CHD8: variants seen among roughly 807,000 people sequenced by gnomAD.
The protein encoded by CHD8 is ATP-dependent chromatin remodeler CHD8.
In CHD8, 31 loss-of-function variants were observed where a neutral mutation model predicts 279.2. That is an observed-to-expected ratio of 0.11 (90% CI 0.08 to 0.15). The LOEUF is 0.15. Ranked by LOEUF, CHD8 falls within the 10% of genes least tolerant of loss-of-function variation. The pLI is 1.00. For synonymous variants in CHD8, 1,081 were observed against 1,139.6 expected (o/e 0.95, Z 1.04); for missense variants, 2,146 against 3,230.5 (o/e 0.66, Z 8.14).
Position 21,401,410 on chromosome 14 carries a change from T to C in CHD8, c.4166A>G (p.Asn1389Ser). 6.3e-7 allele frequency: 1 copy of C among 1,581,796 alleles called. No individual in the cohort carries two copies. The highest frequency in any genetic ancestry group is 8.6e-7 in the Non-Finnish European group (1 of 1,164,118). The change falls in exon 21 of 38, where the codon AAC becomes AGC. Residue 1389 changes from asparagine to serine, a missense_variant. Physicochemically the swap from Asn to Ser is conservative, Grantham distance 46 (BLOSUM62 1). This residue lies in a region of CHD8 where 74 missense variants were observed against 91.5 expected (regional missense o/e 0.81). Coordinates refer to ENST00000646647, the MANE Select transcript of CHD8 (RefSeq NM_001170629.2). The part of the protein sequence containing the change: ...KKADLDMDLL[N>S]SKNNLVIDTP... The stretch of plus-strand genomic sequence containing the variant: ...CTAAAAGAAGAAACTCACCTTGCTG[T>C]TGAGCAGATCCATGTCTAGGTCAGC...
intron 1 of CHD8, among the ~76,000 whole-genome samples, chr14:21,455,403 C>A (rs539066593): frequency 2.5e-4 from 38 of 152,094 alleles, no homozygotes; most frequent in Non-Finnish European, 5.0e-4. Context: ...TTACATAATG[C>A]AACGGAAAAC....
At chr14:21,450,473 C>G (rs998066362) in intron 1 of CHD8, among the ~76,000 whole-genome samples, 3 of 152,118 alleles carry the variant, frequency 2.0e-5, no homozygotes, top group African/African-American at 7.2e-5. Context: ...AAGAGACAAT[C>G]TGAGAAACCT....
At position 21,400,915 on chromosome 14, in the gene CHD8, T is replaced by C. The variant is rs1204720726; in HGVS notation, c.4330A>G (p.Thr1444Ala). The C allele has an allele frequency of 3.1e-6, 5 of 1,613,406 alleles. No homozygotes were observed. The highest frequency in any genetic ancestry group is 4.2e-6 in the Non-Finnish European group (5 of 1,179,682). ...RHDRHHAYGR[T>A]DCFRVEKHLL... ...TGCTTTTCCACCCGAAAGCAGTCAG[T>C]GCGCCCATAGGCATGATGACGGTCA... Residue 1444 changes from threonine to alanine, a missense_variant, in exon 22 of 38, where the codon ACT (threonine) becomes GCT (alanine). By Grantham distance (58) the Thr-to-Ala change is moderately conservative. Coordinates refer to ENST00000646647, the MANE Select transcript of CHD8 (RefSeq NM_001170629.2). The surrounding 1 kb of genome is among the most constrained non-coding windows in gnomAD (Gnocchi z 4.2).
At chr14:21,444,153 T>C (rs1430067637) in intron 1 of CHD8, among the ~76,000 whole-genome samples, 3 of 152,242 alleles carry the variant, frequency 2.0e-5, no homozygotes, top group African/African-American at 7.2e-5. Context: ...ATAAAGGGGA[T>C]AGCAGTATTA....
At chr14:21,397,620 ACATT>A (rs1887846567) in intron 27 of CHD8, 199 bp downstream of exon 27, 3 of 534,768 alleles carry the variant, frequency 5.6e-6, no homozygotes, top group Non-Finnish European at 1.0e-5. Flanking sequence ...TTTACAAGTG[ACATT>A]CATTTTCACC....
At position 21,403,049 on chromosome 14, in the gene CHD8, C is replaced by T. The variant is rs1433949284; in HGVS notation, c.3682G>A (p.Asp1228Asn). The T allele has an allele frequency of 6.2e-7, 1 of 1,613,812 alleles. No homozygotes were observed. The highest frequency in any genetic ancestry group is 2.2e-5 in the East Asian group (1 of 44,880). ...LTAADTCIIFDSDWNPQNDLQ... is the reference protein window; with the variant it reads ...LTAADTCIIFNSDWNPQNDLQ... ...TCATTTTGTGGATTCCAGTCTGAAT[C>T]AAAGATGATGCAGGTATCAGCAGCT... The change falls in exon 18 of 38, where the codon GAT (aspartate) becomes AAT (asparagine). Residue 1228 changes from aspartate (D) to asparagine (N), a missense_variant. Coordinates refer to ENST00000646647, the MANE Select transcript of CHD8 (RefSeq NM_001170629.2). This position sits in a 1 kb window ranked among gnomAD's most constrained non-coding sequence, Gnocchi z 4.3.
At chr14:21,393,375 A>G in intron 32 of CHD8, 101 bp downstream of exon 32, 1 of 1,510,006 alleles carries the variant, frequency 6.6e-7, no homozygotes, top group Non-Finnish European at 8.9e-7. Flanking sequence ...ATTTTATCAA[A>G]TCAAAATCCA....
intron 1 of CHD8, among the ~76,000 whole-genome samples, chr14:21,438,329 G>A (rs1424249654): frequency 1.3e-5 from 2 of 151,924 alleles, no homozygotes; most frequent in Non-Finnish European, 2.9e-5. Context: ...CCAAAGTGCT[G>A]GGATTACAGG....
At chr14:21,440,438 C>T (rs1051591102) in intron 1 of CHD8, among the ~76,000 whole-genome samples, 1 of 152,088 alleles carries the variant, frequency 6.6e-6, no homozygotes, top group African/African-American at 2.4e-5. Flanking sequence ...AACTCCTGAC[C>T]TCAGGTGTTC....
At chr14:21,390,287 G>A (rs1305922443) in intron 37 of CHD8, among the ~76,000 whole-genome samples, 1 of 152,160 alleles carries the variant, frequency 6.6e-6, no homozygotes, top group Non-Finnish European at 1.5e-5. Flanking sequence ...TTTTCAGGAT[G>A]TAAAAACTGA....
intron 1 of CHD8, among the ~76,000 whole-genome samples, chr14:21,446,665 G>A (rs1439323867): frequency 6.6e-6 from 1 of 152,212 alleles, no homozygotes; most frequent in Non-Finnish European, 1.5e-5. Context: ...TTTCACAGAT[G>A]TGGAAACTGA....
intron 1 of CHD8, chr14:21,454,852 T>C (rs986984970): frequency 6.6e-6 from 1 of 152,230 alleles, no homozygotes; most frequent in African/African-American, 2.4e-5. Context: ...TAGAATTTGT[T>C]CTGAAACCTA....
Position 21,430,916 on chromosome 14 carries a change from C to T in CHD8, c.728G>A (p.Arg243Gln), listed in dbSNP as rs771113482. 1.1e-5 allele frequency: 18 copies of T among 1,599,248 alleles called. No homozygotes were observed. The highest frequency in any genetic ancestry group is 2.2e-5 in the East Asian group (1 of 44,892). ...CTGGAGGACCAGCTGCTTTACTGGT[C>T]GGCTGGGCTGGACAATGCGCTGAAC... is the stretch of plus-strand genomic sequence containing the variant. The part of the protein sequence containing the change: ...AAVQRIVQPS[R>Q]PVKQLVLQPV... Residue 243 changes from arginine to glutamine, a missense_variant, in exon 2 of 38, where the codon CGA becomes CAA. Arg to Gln is a conservative substitution (Grantham distance 43). Coordinates refer to ENST00000646647, the MANE Select transcript of CHD8 (RefSeq NM_001170629.2).
intron 37 of CHD8, among the ~76,000 whole-genome samples, chr14:21,386,783 G>C (rs1157806701): frequency 6.6e-6 from 1 of 151,338 alleles, no homozygotes; most frequent in Non-Finnish European, 1.5e-5. Context: ...AGCTTGCAGT[G>C]AGCCGAGATC....
intron 1 of CHD8, among the ~76,000 whole-genome samples, chr14:21,442,872 T>C (rs1890019067): frequency 6.6e-6 from 1 of 150,672 alleles, no homozygotes; most frequent in Admixed American, 6.7e-5. Flanking sequence ...AGAGAACAAC[T>C]GCACAAATAT....
At chr14:21,415,965 A>C (rs559491465) in intron 5 of CHD8, 58 bp from the exon 6 acceptor site, 3 of 1,430,180 alleles carry the variant, frequency 2.1e-6, no homozygotes, top group Non-Finnish European at 2.9e-6. Context: ...GAAGACTTTT[A>C]AAATTATTTG....
At chr14:21,446,914 G>A (rs145467251) in intron 1 of CHD8, among the ~76,000 whole-genome samples, 1 of 152,294 alleles carries the variant, frequency 6.6e-6, no homozygotes, top group East Asian at 1.9e-4. Flanking sequence ...CCATTAGAAT[G>A]CAAGTTCCAC....
chr14:21,437,108 G>A (rs1594385995), intron 1 of CHD8: 6 of 856,560 alleles, frequency 7.0e-6, no homozygotes, highest in African/African-American at 1.7e-5. Flanking sequence ...ATGTTAGGGC[G>A]GAAGCTGCAG....
intron 7 of CHD8, chr14:21,415,288 C>T (rs1888664119): frequency 2.6e-6 from 1 of 378,786 alleles, no homozygotes; most frequent in Non-Finnish European, 4.6e-6. Flanking sequence ...TATCTGACAT[C>T]CAAAGGTGCT....
Sources: gnomAD v4.1 joint callset for allele counts (sites outside exome capture counted in the v4.1 genomes callset) on GRCh38, gnomAD v4.1.1 for gene constraint, gnomAD v4.1.1 regional missense constraint, Gnocchi (gnomAD v3.1) non-coding constraint, MANE v1.5 for transcripts, NCBI Gene and HGNC (gene_info 2026-07-23, HGNC 2026-07-21) for gene names.